The following SCAI variants were observed in gnomAD, a reference collection of about 807,000 sequenced individuals.
SCAI encodes protein SCAI.
SCAI carries 24 observed loss-of-function variants against 92.2 expected under a neutral mutation model. That is an observed-to-expected ratio of 0.26 (90% CI 0.19 to 0.37). The LOEUF (loss-of-function observed/expected upper bound fraction) is 0.37. Among genes scored for constraint, SCAI ranks in the 10% least tolerant of loss-of-function variants. SCAI has a pLI of 1.00. For missense variants in SCAI, 450 were observed against 736.2 expected (o/e 0.61, Z 4.50); for synonymous variants, 261 against 258.6 (o/e 1.01, Z -0.09).
chr9:125,075,720 C>CGAGAA (rs1834076168), intron 2 of SCAI, among the ~76,000 whole-genome samples: 1 of 152,150 alleles, frequency 6.6e-6, no homozygotes, highest in African/African-American at 2.4e-5. Flanking sequence ...CATGTGCCAC[C>CGAGAA]ATGCCCGGCT....
chr9:125,048,494 T>C (rs2131124030), intron 3 of SCAI, among the ~76,000 whole-genome samples: 1 of 151,780 alleles, frequency 6.6e-6, no homozygotes, highest in East Asian at 1.9e-4. Context: ...TTTGCAGAAC[T>C]AGCCTCTAAG....
At chr9:125,003,791 T>G in intron 9 of SCAI, 1 of 498,086 alleles carries the variant, frequency 2.0e-6, no homozygotes, top group Non-Finnish European at 3.6e-6. Context: ...AATAAGCATT[T>G]TTTATATTTG....
At chr9:124,989,530 G>A (rs1832071728) in intron 14 of SCAI, among the ~76,000 whole-genome samples, 2 of 151,628 alleles carry the variant, frequency 1.3e-5, no homozygotes, top group Non-Finnish European at 2.9e-5. Flanking sequence ...GCAGTGAGCC[G>A]ATATCACATC....
rs144881122 is a variant in SCAI, at chr9:124,983,923, C to T, written c.1327-7737G>A. ...AAATGGGAACAATAAAAGCAACACA[C>T]TGTGTTGTGCAGGAATTAAACGTAT... On this transcript the variant is annotated intron_variant, in intron 14 of 17. Transcript: ENST00000336505. Among the ~76,000 whole-genome samples the T allele has an allele frequency of 7.4e-3, 1,122 of 152,296 alleles. 11 individuals carry two copies. Among genetic ancestry groups the T allele is most frequent in the South Asian group, 0.022 (107 of 4,820 alleles).
At chr9:125,038,880 T>G (rs1833256348) in intron 3 of SCAI, among the ~76,000 whole-genome samples, 1 of 152,248 alleles carries the variant, frequency 6.6e-6, no homozygotes, top group African/African-American at 2.4e-5. Context: ...ACATCTTTCT[T>G]GCTTTATTTA....
In SCAI at chr9:125,082,386, G is replaced by A. The variant is rs189870571; in HGVS notation, c.99-26379C>T. Among the ~76,000 whole-genome samples, 844 of 152,232 alleles carry A rather than the reference G, an allele frequency of 5.5e-3. 5 individuals carry two copies. The highest frequency in any genetic ancestry group is 9.2e-3 in the Non-Finnish European group (626 of 68,016). ...GGCAGAAGTTTGCTGCAGGGGCGGG[G>A]CCCTCATGGAGAACCTCTGCTAAGG... is the stretch of plus-strand genomic sequence containing the variant. On this transcript the variant is annotated intron_variant, in intron 2 of 17. Transcript: ENST00000336505.
rs537437184 is a variant in SCAI at position 125,032,758 on chromosome 9, C to T, written c.231-3019G>A. ...CCTCCAAAGTAGCTGGGATTACAGG[C>T]GCCCGTCACCACGCCCGGTTAATTT... On this transcript the variant is annotated intron_variant, in intron 3 of 17. Transcript: ENST00000336505. Among the ~76,000 whole-genome samples the T allele has an allele frequency of 1.6e-3, 241 of 151,712 alleles. 1 individual carries two copies. The highest frequency in any genetic ancestry group is 0.013 in the South Asian group (63 of 4,806).
At chr9:125,059,214 G>A (rs1833727789) in intron 2 of SCAI, among the ~76,000 whole-genome samples, 1 of 152,190 alleles carries the variant, frequency 6.6e-6, no homozygotes, top group Non-Finnish European at 1.5e-5. Context: ...TCAAAGTTCT[G>A]TAGCCTGAGT....
chr9:125,048,781 TTGTTGCCCAGGCTGGAGG>T (rs1196405631), intron 3 of SCAI, among the ~76,000 whole-genome samples: 3 of 152,124 alleles, frequency 2.0e-5, no homozygotes, highest in Admixed American at 6.6e-5. Flanking sequence ...AGTTTCGCTC[TTGTTGCCCAGGCTGGAGG>T]CAATGGCGTG....
intron 1 of SCAI, among the ~76,000 whole-genome samples, 168 bp from the exon 2 acceptor site, chr9:125,142,845 A>G (rs1835701191): frequency 6.6e-6 from 1 of 151,944 alleles, no homozygotes; most frequent in African/African-American, 2.4e-5. Context: ...CCTATTTACC[A>G]AGACCTAGCA....
intron 9 of SCAI, 30 bp downstream of exon 9, chr9:125,018,769 T>A: frequency 6.4e-7 from 1 of 1,571,780 alleles, no homozygotes; most frequent in Non-Finnish European, 8.7e-7. Context: ...CACAGTGAAT[T>A]TTAAGCATAA....
chr9:125,073,043 T>C (rs559224007), intron 2 of SCAI, among the ~76,000 whole-genome samples: 7 of 151,092 alleles, frequency 4.6e-5, no homozygotes, highest in Middle Eastern at 3.4e-3. Context: ...TTCTTTTGGA[T>C]ATAAACCTAG....
At chr9:125,142,562 T>G (rs980677444) in intron 2 of SCAI, 71 bp downstream of exon 2, 36 of 1,081,918 alleles carry the variant, frequency 3.3e-5, no homozygotes, top group Non-Finnish European at 4.7e-5. Context: ...AGTATACAAT[T>G]ATGCAGTACG....
intron 2 of SCAI, among the ~76,000 whole-genome samples, chr9:125,100,387 C>G (rs747427012): frequency 7.9e-5 from 12 of 152,310 alleles, no homozygotes; most frequent in South Asian, 2.1e-4. Context: ...CTTGGTTCTA[C>G]TATCTCCATT....
At chr9:125,123,632 G>A (rs1057196219) in intron 2 of SCAI, among the ~76,000 whole-genome samples, 4 of 152,116 alleles carry the variant, frequency 2.6e-5, no homozygotes, top group Non-Finnish European at 4.4e-5. Flanking sequence ...AAAATTAGCC[G>A]GGCATGGTGG....
chr9:125,005,459 G>A (rs1290951599), intron 9 of SCAI, among the ~76,000 whole-genome samples: 3 of 152,150 alleles, frequency 2.0e-5, no homozygotes, highest in African/African-American at 7.2e-5. Flanking sequence ...AGCATCCTGA[G>A]TAGCTGGGAT....
rs184219799 is a variant in SCAI, at chr9:124,950,828, C to T, written c.*1979G>A. The stretch of plus-strand genomic sequence containing the variant: ...CTTTGGGAGGTTGAGGCAGGAGGAT[C>T]ACTTGAGCCCAGGAGTTTGAGGCCA... On this transcript the variant is annotated 3_prime_UTR_variant, in exon 18 of 18. Transcript: ENST00000336505. The T allele has an allele frequency of 6.6e-6, 1 of 152,134 alleles. No homozygotes were observed. The highest frequency in any genetic ancestry group is 1.9e-4 in the East Asian group (1 of 5,170). 9.4% of individuals were successfully genotyped at this position (152,134 alleles called of 1,614,324 possible). A position where few individuals can be genotyped will look rare whatever the true frequency, so the allele number is the denominator to read the frequency against.
intron 3 of SCAI, among the ~76,000 whole-genome samples, chr9:125,037,764 A>G (rs1303071043): frequency 6.6e-6 from 1 of 151,982 alleles, no homozygotes; most frequent in Non-Finnish European, 1.5e-5. Flanking sequence ...AACATACAAA[A>G]TATTAGCTGG....
chr9:124,999,600 T>C (rs1041670861), intron 13 of SCAI, among the ~76,000 whole-genome samples: 9 of 152,168 alleles, frequency 5.9e-5, no homozygotes, highest in African/African-American at 2.2e-4. Context: ...TTTATGTATA[T>C]ATTTACTGTC....
Sources: allele counts gnomAD v4.1 joint callset (sites outside exome capture counted in the v4.1 genomes callset), GRCh38; gene constraint gnomAD v4.1.1; transcripts MANE v1.5; gene names NCBI Gene and HGNC (gene_info 2026-07-23, HGNC 2026-07-21).